Variants in HMBOX1 observed in about 807,000 individuals in gnomAD.
HMBOX1 encodes the protein homeobox containing 1.
A neutral mutation model predicts 54.5 loss-of-function variants in HMBOX1; 14 were observed. That is an observed-to-expected ratio of 0.26 (90% confidence interval 0.17 to 0.40). The LOEUF (loss-of-function observed/expected upper bound fraction) is 0.40. HMBOX1 is among the 10% of genes least tolerant of loss of function. The pLI is 1.00. For missense variants in HMBOX1, 332 were observed against 514.4 expected (o/e 0.65, Z 3.43); for synonymous variants, 160 against 181.0 (o/e 0.88, Z 0.93).
intron 4 of HMBOX1, 101 bp downstream of exon 4, chr8:28,980,257 C>A: frequency 1.2e-6 from 1 of 867,964 alleles, no homozygotes; most frequent in Non-Finnish European, 1.9e-6. Flanking sequence ...CAGTGCAGAT[C>A]TGTCAACTTA....
chr8:28,943,411 C>A (rs1262025801), intron 1 of HMBOX1, among the ~76,000 whole-genome samples: 1 of 152,122 alleles, frequency 6.6e-6, no homozygotes, highest in East Asian at 1.9e-4. Flanking sequence ...ACTGACTAGG[C>A]AGATAAGGGT....
At chr8:28,934,952 C>A (rs1029094709) in intron 1 of HMBOX1, among the ~76,000 whole-genome samples, 26 of 150,690 alleles carry the variant, frequency 1.7e-4, no homozygotes, top group African/African-American at 5.3e-4. Flanking sequence ...AATCATAAAT[C>A]ATTTTTAGTT....
chr8:28,980,171 G>A lies in HMBOX1; in HGVS notation c.586+15G>A, dbSNP rs1222690231. ...ACAGGTAACAGGTAAGAGCTGAAGA[G>A]CCCTTTATTCTGGAATCATGTGTAG... On this transcript the variant is annotated intron_variant, in intron 4 of 9. Coordinates refer to ENST00000287701, the MANE Select transcript of HMBOX1 (RefSeq NM_001135726.3). The A allele has an allele frequency of 1.3e-6, 2 of 1,586,268 alleles. No individual in the cohort carries two copies. The highest frequency in any genetic ancestry group is 4.5e-5 in the East Asian group (2 of 44,714).
intron 1 of HMBOX1, among the ~76,000 whole-genome samples, chr8:28,943,852 G>A (rs1351469385): frequency 6.6e-6 from 1 of 152,200 alleles, no homozygotes; most frequent in Admixed American, 6.5e-5. Context: ...TACAAAGTCA[G>A]TGGTGACAGA....
chr8:28,973,995 G>A (rs990644698), intron 3 of HMBOX1, among the ~76,000 whole-genome samples: 2 of 151,600 alleles, frequency 1.3e-5, no homozygotes, highest in Admixed American at 1.3e-4. Context: ...TGTATTTTTA[G>A]TAGAGACGGG....
rs116631912 is a variant in HMBOX1 at position 28,906,531 on chromosome 8, A to T, written c.-58+15853A>T. On this transcript the variant is annotated intron_variant, in intron 1 of 9. Coordinates refer to ENST00000287701, the MANE Select transcript of HMBOX1 (RefSeq NM_001135726.3). Reference sequence around the variant, plus strand: ...TTATGTCCATTTCCTCTCACTTTTCAAACATGACGTATGTAGAGATTCTTA... The same window carrying T: ...TTATGTCCATTTCCTCTCACTTTTCTAACATGACGTATGTAGAGATTCTTA... 5.7e-3 allele frequency among the ~76,000 whole-genome samples: 866 copies of T among 152,312 alleles called. 4 individuals carry two copies. Among genetic ancestry groups the T allele is most frequent in the African/African-American group, 0.02 (841 of 41,566 alleles).
chr8:29,000,915 T>G (rs1437639512), intron 4 of HMBOX1, among the ~76,000 whole-genome samples: 1 of 152,232 alleles, frequency 6.6e-6, no homozygotes, highest in East Asian at 1.9e-4. Flanking sequence ...AAATGCTCTT[T>G]GGATTGTTGG....
intron 4 of HMBOX1, among the ~76,000 whole-genome samples, chr8:28,982,106 G>C (rs931096332): frequency 2.6e-5 from 4 of 152,172 alleles, no homozygotes; most frequent in African/African-American, 9.6e-5. Flanking sequence ...GGTGGCGGGC[G>C]CCTGTAGTCC....
At chr8:29,047,281 A>G in intron 7 of HMBOX1, 77 bp from the exon 8 acceptor site, 2 of 851,472 alleles carry the variant, frequency 2.3e-6, no homozygotes, top group Non-Finnish European at 3.9e-6. Flanking sequence ...AACAAAATAA[A>G]AATATTAGCC....
intron 1 of HMBOX1, among the ~76,000 whole-genome samples, chr8:28,903,331 T>G (rs990730114): frequency 5.3e-5 from 8 of 152,252 alleles, no homozygotes. Flanking sequence ...CACTCTTGAT[T>G]TATCTACCTT....
chr8:28,946,062 C>T (rs1822396167), intron 1 of HMBOX1, among the ~76,000 whole-genome samples: 1 of 151,442 alleles, frequency 6.6e-6, no homozygotes. Flanking sequence ...AAGTGATTCT[C>T]CTGCCTCAGC....
intron 1 of HMBOX1, among the ~76,000 whole-genome samples, chr8:28,908,567 C>T (rs1381531729): frequency 6.6e-6 from 1 of 152,112 alleles, no homozygotes; most frequent in African/African-American, 2.4e-5. Flanking sequence ...CCAGCCTGAC[C>T]AACATGGCCA....
chr8:28,981,232 A>G (rs934290362), intron 4 of HMBOX1, among the ~76,000 whole-genome samples: 2 of 152,194 alleles, frequency 1.3e-5, no homozygotes, highest in Non-Finnish European at 1.5e-5. Context: ...TGTGTTTAAT[A>G]TATTACACTA....
intron 6 of HMBOX1, among the ~76,000 whole-genome samples, chr8:29,033,322 C>T (rs763609260): frequency 1.3e-5 from 2 of 152,126 alleles, no homozygotes; most frequent in Admixed American, 1.3e-4. Context: ...TGGAATGACT[C>T]GGGTGGAACA....
upstream of HMBOX1, chr8:28,890,151 C>T (rs903520607): frequency 3.9e-6 from 2 of 514,162 alleles, no homozygotes; most frequent in Non-Finnish European, 7.1e-6. Context: ...CATCCTCCCT[C>T]TCCACCCCAG....
At chr8:29,003,182 T>A (rs1832894585) in intron 4 of HMBOX1, among the ~76,000 whole-genome samples, 1 of 151,936 alleles carries the variant, frequency 6.6e-6, no homozygotes, top group African/African-American at 2.4e-5. Flanking sequence ...ATAAATGCTC[T>A]TCACAAACTA....
At chr8:29,042,845 T>C (rs2133329708) in intron 6 of HMBOX1, 1 of 345,838 alleles carries the variant, frequency 2.9e-6, no homozygotes, top group South Asian at 2.3e-5. Flanking sequence ...TAAACAGAGA[T>C]TGTTTTTGTT....
intron 4 of HMBOX1, among the ~76,000 whole-genome samples, chr8:28,998,584 G>A (rs1317681086): frequency 6.6e-6 from 1 of 151,862 alleles, no homozygotes; most frequent in Non-Finnish European, 1.5e-5. Context: ...GTTGGATTGT[G>A]TTTCTGCCAA....
intron 2 of HMBOX1, among the ~76,000 whole-genome samples, chr8:28,969,482 C>T (rs1827022997): frequency 6.6e-6 from 1 of 151,352 alleles, no homozygotes. Flanking sequence ...TTTAATGTAC[C>T]TCTGTTTTCC....
Sources: gnomAD v4.1 joint callset for allele counts (sites outside exome capture counted in the v4.1 genomes callset) on GRCh38, gnomAD v4.1.1 for gene constraint, MANE v1.5 for transcripts, NCBI Gene and HGNC (gene_info 2026-07-23, HGNC 2026-07-21) for gene names.